SORBS2: variants seen among roughly 807,000 people sequenced by gnomAD.
SORBS2 encodes the protein sorbin and SH3 domain containing 2.
In SORBS2, 46 loss-of-function variants were observed where a neutral mutation model predicts 97.7. The observed-to-expected ratio is 0.47, with a 90% confidence interval of 0.37 to 0.60. SORBS2 has a LOEUF of 0.60. SORBS2 is among the 20% of genes least tolerant of loss of function. The probability of loss-of-function intolerance (pLI) is 0.00; values close to 1 mark genes in which losing one functional copy is unlikely to be tolerated. For missense variants in SORBS2, 1,316 were observed against 1,282.3 expected, an observed-to-expected ratio of 1.03 and a Z score of -0.40; for synonymous variants, 476 against 473.4, an observed-to-expected ratio of 1.01 and a Z score of -0.07.
At chr4:185,690,580 T>C in intron 2 of SORBS2, 2 of 1,517,902 alleles carry the variant, frequency 1.3e-6, no homozygotes, top group Non-Finnish European at 1.8e-6. Context: ...ATTTTCACCT[T>C]GGAGAGTTTG....
chr4:185,773,506 C>T (rs2098983523), intron 2 of SORBS2: 1 of 152,226 alleles, frequency 6.6e-6, no homozygotes, highest in African/African-American at 2.4e-5. Context: ...TAGCTTTCTC[C>T]ACAGCTCCGC....
Position 185,857,600 on chromosome 4 carries a change from A to G in SORBS2, c.-337-82234T>C, listed in dbSNP as rs189475789. The stretch of plus-strand genomic sequence containing the variant: ...TCTGACTGCCTGTGGGGTTGGACAG[A>G]ATAGAGCCATATTTTCCTTCTTGCA... On this transcript the variant is annotated intron_variant, in intron 1 of 20. Coordinates refer to the SORBS2 transcript ENST00000284776. 2.4e-3 allele frequency among the ~76,000 whole-genome samples: 360 copies of G among 152,340 alleles called. 1 individual carries two copies. Among genetic ancestry groups the G allele is most frequent in the Admixed American group, 5.3e-3 (81 of 15,302 alleles).
At chr4:185,813,419 T>C (rs1445577652) in intron 1 of SORBS2, among the ~76,000 whole-genome samples, 2 of 152,166 alleles carry the variant, frequency 1.3e-5, no homozygotes, top group Non-Finnish European at 2.9e-5. Flanking sequence ...GGTCAGCGTA[T>C]CCATGGAGGA....
At chr4:185,894,359 C>T (rs565276846) in intron 1 of SORBS2, 1 of 151,694 alleles carries the variant, frequency 6.6e-6, no homozygotes, top group Non-Finnish European at 1.5e-5. Context: ...ACTGATTTTC[C>T]AACAAATTGG....
At chr4:185,849,506 C>T (rs892901023) in intron 1 of SORBS2, among the ~76,000 whole-genome samples, 7 of 145,684 alleles carry the variant, frequency 4.8e-5, no homozygotes, top group African/African-American at 1.8e-4. Flanking sequence ...GAGAATTTTC[C>T]CATTATAAAA....
chr4:185,836,670 A>G (rs1028049253), intron 1 of SORBS2, among the ~76,000 whole-genome samples: 1 of 152,190 alleles, frequency 6.6e-6, no homozygotes, highest in Non-Finnish European at 1.5e-5. Context: ...CGGGGTCTCT[A>G]TTCAAACCCA....
At chr4:185,745,145 A>G (rs1381030249) in intron 2 of SORBS2, among the ~76,000 whole-genome samples, 1 of 152,176 alleles carries the variant, frequency 6.6e-6, no homozygotes, top group Non-Finnish European at 1.5e-5. Context: ...TCTCCATTGC[A>G]GCGGGGGAAG....
intron 2 of SORBS2, among the ~76,000 whole-genome samples, chr4:185,714,716 T>G (rs961102984): frequency 2.6e-5 from 4 of 152,248 alleles, no homozygotes; most frequent in Admixed American, 1.3e-4. Flanking sequence ...AGAGAGCATG[T>G]GCAGGGGAAC....
rs1288748201 is a variant in SORBS2 at position 185,868,147 on chromosome 4, C to CTTTCTTTCTTTTTT, written c.-338+88048_-338+88049insAAAAAAGAAAGAAA. ...TCTACTTTCCTTTCTCTTTTCTTTTCTTTTTTTCTTTCTTTTTTTTTTTTT... is the reference window on the plus strand; with the variant it reads ...TCTACTTTCCTTTCTCTTTTCTTTTCTTTCTTTCTTTTTTTTTTTTTCTTTCTTTTTTTTTTTTT... On this transcript the variant is annotated intron_variant, in intron 1 of 20. Transcript: ENST00000284776. Among the ~76,000 whole-genome samples the CTTTCTTTCTTTTTT allele has an allele frequency of 9.0e-3, 809 of 89,546 alleles. 123 individuals carry two copies. The highest frequency in any genetic ancestry group is 0.022 in the East Asian group (69 of 3,122). The allele number at this position is 89,546 out of a possible 152,430, so 58.7% of individuals were successfully genotyped here.
At chr4:185,602,242 T>TCA (rs1275134185) in intron 12 of SORBS2, among the ~76,000 whole-genome samples, 1 of 152,134 alleles carries the variant, frequency 6.6e-6, no homozygotes, top group African/African-American at 2.4e-5. Flanking sequence ...ACTCCTGACC[T>TCA]TGTGATCCAC....
chr4:185,814,644 C>T (rs1200623593), intron 1 of SORBS2, among the ~76,000 whole-genome samples: 2 of 152,206 alleles, frequency 1.3e-5, no homozygotes, highest in Non-Finnish European at 2.9e-5. Context: ...ATCTCCTCCT[C>T]CCCTATACCT....
At chr4:185,614,601 C>T (rs993148519) in intron 11 of SORBS2, 8 of 492,508 alleles carry the variant, frequency 1.6e-5, no homozygotes, top group Non-Finnish European at 2.8e-5. Flanking sequence ...GACTAAGCCA[C>T]AGAGGGAGAA....
chr4:185,686,820 C>A (rs1289005519), intron 2 of SORBS2, among the ~76,000 whole-genome samples: 1 of 152,148 alleles, frequency 6.6e-6, no homozygotes, highest in Non-Finnish European at 1.5e-5. Context: ...GGCTGCGATG[C>A]CCTGGGCTGC....
At chr4:185,619,512 T>C (rs1353607967) in intron 8 of SORBS2, among the ~76,000 whole-genome samples, 1 of 152,168 alleles carries the variant, frequency 6.6e-6, no homozygotes, top group African/African-American at 2.4e-5. Flanking sequence ...TCCAAGGCAG[T>C]TTGAGCAAGA....
At chr4:185,871,419 T>C (rs2099230364) in intron 1 of SORBS2, among the ~76,000 whole-genome samples, 1 of 152,190 alleles carries the variant, frequency 6.6e-6, no homozygotes, top group Non-Finnish European at 1.5e-5. Flanking sequence ...GAGGAATGCC[T>C]GGGCCCTCCA....
chr4:185,657,351 A>G (rs2306704), upstream of SORBS2: 4,134 of 1,382,652 alleles, frequency 3.0e-3, 142 homozygotes, highest in East Asian at 0.077. Context: ...GGAATGCACA[A>G]AGCCGTGGAC....
chr4:185,847,492 C>G (rs1024833600), intron 1 of SORBS2, among the ~76,000 whole-genome samples: 6 of 152,094 alleles, frequency 3.9e-5, no homozygotes, highest in Middle Eastern at 3.2e-3. Context: ...AATCCATCCT[C>G]GCAGGATCTG....
intron 1 of SORBS2, among the ~76,000 whole-genome samples, chr4:185,789,649 T>A (rs1307092494): frequency 6.6e-6 from 1 of 151,930 alleles, no homozygotes; most frequent in African/African-American, 2.4e-5. Flanking sequence ...TCCTCTATTT[T>A]TATGTTTAAA....
chr4:185,644,433 T>G (rs2153452374), intron 4 of SORBS2, among the ~76,000 whole-genome samples: 1 of 152,278 alleles, frequency 6.6e-6, no homozygotes, highest in Non-Finnish European at 1.5e-5. Context: ...ATAAATTAAT[T>G]TATACTGCAA....
Sources: allele counts gnomAD v4.1 joint callset (sites outside exome capture counted in the v4.1 genomes callset), GRCh38; gene constraint gnomAD v4.1.1; transcripts MANE v1.5; gene names NCBI Gene and HGNC (gene_info 2026-07-23, HGNC 2026-07-21).